ANKRD11: variants seen among roughly 807,000 people sequenced by gnomAD.
The protein encoded by ANKRD11 is ankyrin repeat domain-containing protein 11.
Under a neutral mutation model 195.7 loss-of-function variants are expected in ANKRD11, and 17 were observed. The ratio of observed to expected loss-of-function variants is 0.09; its 90% confidence interval spans 0.06 to 0.13. ANKRD11 has a LOEUF of 0.13. Among genes scored for constraint, ANKRD11 ranks in the 10% least tolerant of loss-of-function variants. The probability of loss-of-function intolerance (pLI) is 1.00; values close to 1 mark genes in which losing one functional copy is unlikely to be tolerated. For missense variants in ANKRD11, 3,735 were observed against 3,566.1 expected (o/e 1.05, Z -1.21); for synonymous variants, 1,953 against 1,528.1 (o/e 1.28, Z -6.49).
intron 1 of ANKRD11, among the ~76,000 whole-genome samples, chr16:89,424,638 G>C (rs1181376945): frequency 3.3e-5 from 5 of 151,940 alleles, no homozygotes; most frequent in Admixed American, 3.3e-4. Flanking sequence ...CAATCGAAAA[G>C]GTTACATTTC....
intron 1 of ANKRD11, among the ~76,000 whole-genome samples, chr16:89,476,415 G>A (rs2057259936): frequency 6.6e-6 from 1 of 152,204 alleles, no homozygotes; most frequent in Admixed American, 6.5e-5. Flanking sequence ...GAATAGCAAA[G>A]CAAACTACCT....
chr16:89,405,626 G>GC (rs1054924298), intron 2 of ANKRD11, among the ~76,000 whole-genome samples: 48 of 151,890 alleles, frequency 3.2e-4, no homozygotes, highest in Admixed American at 1.2e-3. Context: ...GAGCCGCCAT[G>GC]CCCGGCTTTC....
At chr16:89,414,219 C>G (rs757744597) in intron 2 of ANKRD11, among the ~76,000 whole-genome samples, 3 of 152,184 alleles carry the variant, frequency 2.0e-5, no homozygotes, top group Non-Finnish European at 2.9e-5. Context: ...ACATTAAGTC[C>G]AAGCCTCTTT....
intron 1 of ANKRD11, among the ~76,000 whole-genome samples, chr16:89,433,839 G>GC (rs1203108373): frequency 6.6e-5 from 10 of 152,220 alleles, no homozygotes; most frequent in Non-Finnish European, 4.4e-5. Flanking sequence ...CAGCCCCAGA[G>GC]CCCCACTGTG....
chr16:89,284,605 C>T lies in ANKRD11; in HGVS notation c.1937G>A (p.Cys646Tyr). 6.2e-7 allele frequency: 1 copy of T among 1,614,170 alleles called. No individual in the cohort carries two copies. Among genetic ancestry groups the T allele is most frequent in the Non-Finnish European group, 8.5e-7 (1 of 1,180,038 alleles). Residue 646 changes from cysteine (C) to tyrosine (Y), a missense_variant, in exon 9 of 13, where the codon TGT (cysteine) becomes TAT (tyrosine). Cys to Tyr is a radical substitution (Grantham distance 194). Transcript: ENST00000301030. The stretch of plus-strand genomic sequence containing the variant: ...CAACTTCAGCTCTTGGCTGATGGAA[C>T]ACTGTCCCTTCTCCTTGTTTTTGTG... ...HKHKNKEKGQCSISQELKLKS... is the reference protein window; with the variant it reads ...HKHKNKEKGQYSISQELKLKS...
chr16:89,378,866 G>C (rs1457096321), intron 2 of ANKRD11, among the ~76,000 whole-genome samples: 1 of 152,114 alleles, frequency 6.6e-6, no homozygotes, highest in East Asian at 1.9e-4. Context: ...TGATGGGTGG[G>C]GCGAGGTGGG....
At chr16:89,385,861 A>G (rs1268212619) in intron 2 of ANKRD11, among the ~76,000 whole-genome samples, 2 of 152,232 alleles carry the variant, frequency 1.3e-5, no homozygotes, top group African/African-American at 4.8e-5. Flanking sequence ...CGGCTCGCCA[A>G]GAGCTCCATT....
At chr16:89,480,035 C>T (rs1203971611) in intron 1 of ANKRD11, among the ~76,000 whole-genome samples, 2 of 150,548 alleles carry the variant, frequency 1.3e-5, no homozygotes, top group African/African-American at 4.9e-5. Flanking sequence ...TGCTTGAACC[C>T]GAGAGGCAGA....
In ANKRD11 at chr16:89,420,715, C is replaced by A. The variant is rs79225559; in HGVS notation, c.-144-2347G>T. Among the ~76,000 whole-genome samples, 1,402 of 152,170 alleles carry A rather than the reference C, an allele frequency of 9.2e-3. 21 individuals carry two copies. The highest frequency in any genetic ancestry group is 0.033 in the African/African-American group (1,350 of 41,520). On this transcript the variant is annotated intron_variant, in intron 1 of 12. Coordinates refer to ENST00000301030, the MANE Select transcript of ANKRD11 (RefSeq NM_013275.6). The stretch of plus-strand genomic sequence containing the variant: ...GAGCCTCTAAAATATTTGGAATAAA[C>A]ATTACAGATTTTTCTTAAGAGACAG...
At chr16:89,416,358 G>T (rs2042312312) in intron 2 of ANKRD11, among the ~76,000 whole-genome samples, 1 of 151,972 alleles carries the variant, frequency 6.6e-6, no homozygotes, top group South Asian at 2.1e-4. Flanking sequence ...CAAGTGCGGT[G>T]TTGTGATCTT....
chr16:89,310,753 T>C (rs1201073174), intron 3 of ANKRD11, among the ~76,000 whole-genome samples: 1 of 152,236 alleles, frequency 6.6e-6, no homozygotes, highest in African/African-American at 2.4e-5. Context: ...TACGAGTATT[T>C]AGAAATACAC....
At chr16:89,471,344 G>T (rs1419649695) in intron 1 of ANKRD11, among the ~76,000 whole-genome samples, 1 of 152,118 alleles carries the variant, frequency 6.6e-6, no homozygotes, top group Non-Finnish European at 1.5e-5. Flanking sequence ...TGTGTGGAGT[G>T]GTGCTCTCAC....
intron 1 of ANKRD11, among the ~76,000 whole-genome samples, chr16:89,452,672 G>A (rs1236513919): frequency 6.6e-6 from 1 of 151,164 alleles, no homozygotes; most frequent in African/African-American, 2.4e-5. Context: ...AGCTCAGGAG[G>A]CTGAGGCAGG....
intron 4 of ANKRD11, among the ~76,000 whole-genome samples, chr16:89,298,541 C>T (rs1019901836): frequency 3.9e-5 from 6 of 152,202 alleles, no homozygotes; most frequent in South Asian, 2.1e-4. Flanking sequence ...GGCCCCTGCC[C>T]GCCCCCCTCA....
chr16:89,347,607 T>TAAAAA (rs5818710), intron 2 of ANKRD11, among the ~76,000 whole-genome samples: 11 of 127,350 alleles, frequency 8.6e-5, no homozygotes, highest in African/African-American at 2.1e-4. Flanking sequence ...CGAGACTCCG[T>TAAAAA]AAAAAAAAAA....
intron 1 of ANKRD11, among the ~76,000 whole-genome samples, chr16:89,465,705 T>C (rs2056857683): frequency 6.6e-6 from 1 of 152,154 alleles, no homozygotes; most frequent in Non-Finnish European, 1.5e-5. Context: ...TCACACTTTC[T>C]TGTTTTTGTT....
At chr16:89,443,842 C>T (rs750114233) in intron 1 of ANKRD11, among the ~76,000 whole-genome samples, 1 of 152,208 alleles carries the variant, frequency 6.6e-6, no homozygotes, top group Non-Finnish European at 1.5e-5. Flanking sequence ...CCCGTGAGTG[C>T]AGAGCAAGCC....
At chr16:89,315,147 A>G (rs2036870191) in intron 3 of ANKRD11, among the ~76,000 whole-genome samples, 1 of 152,176 alleles carries the variant, frequency 6.6e-6, no homozygotes, top group Non-Finnish European at 1.5e-5. Flanking sequence ...TTGGGAGCCA[A>G]TGCTCAGTGG....
At chr16:89,410,835 G>A (rs2042084236) in intron 2 of ANKRD11, among the ~76,000 whole-genome samples, 1 of 152,232 alleles carries the variant, frequency 6.6e-6, no homozygotes, top group Admixed American at 6.5e-5. Context: ...GGGGTGGGGA[G>A]TGGCCAACTG....
Sources: gnomAD v4.1 joint callset for allele counts (sites outside exome capture counted in the v4.1 genomes callset) on GRCh38, gnomAD v4.1.1 for gene constraint, MANE v1.5 for transcripts, NCBI Gene and HGNC (gene_info 2026-07-23, HGNC 2026-07-21) for gene names.